Variants in SCML2 observed in about 807,000 individuals in gnomAD.
SCML2 encodes sex comb on midleg-like protein 2.
A neutral mutation model predicts 48.4 loss-of-function variants in SCML2; 6 were observed. That is an observed-to-expected ratio of 0.12 (90% CI 0.07 to 0.24). The LOEUF (loss-of-function observed/expected upper bound fraction) is 0.24, where lower values mean the gene tolerates loss of function less well. SCML2 is among the 10% of genes least tolerant of loss of function. The probability of loss-of-function intolerance (pLI) is 1.00; values close to 1 mark genes in which losing one functional copy is unlikely to be tolerated. For missense variants in SCML2, 377 were observed against 528.2 expected, an observed-to-expected ratio of 0.71 and a Z score of 2.81; for synonymous variants, 181 against 189.5, an observed-to-expected ratio of 0.95 and a Z score of 0.37.
chrX:18,307,286 CAA>C (rs1192460033), intron 6 of SCML2, among the ~76,000 whole-genome samples: 1 of 96,114 alleles, frequency 1.0e-5, no homozygotes, highest in African/African-American at 3.8e-5. Context: ...GACTCTGCCT[CAA>C]AAAAAAAAAA....
At position 18,240,092 on chromosome X, in the gene SCML2, C is replaced by T. The variant is rs1926211151; in HGVS notation, c.*1159G>A. 2 of 112,557 alleles carry T rather than the reference C, an allele frequency of 1.8e-5. No homozygotes were observed. Among genetic ancestry groups the T allele is most frequent in the South Asian group, 7.3e-4 (2 of 2,722 alleles). The allele number at this position is 112,557 out of a possible 1,213,427, so 9.3% of individuals were successfully genotyped here. ...CTAAGCAAATTAATTAGAAACATTG[C>T]ATAGGACAGAGAACTTCCCTGTATG... is the stretch of plus-strand genomic sequence containing the variant. On this transcript the variant is annotated 3_prime_UTR_variant, in exon 15 of 15. Transcript: ENST00000251900.
chrX:18,343,360 AAGAG>A (rs778233152), intron 1 of SCML2, among the ~76,000 whole-genome samples: 4 of 109,083 alleles, frequency 3.7e-5, no homozygotes, highest in Admixed American at 9.9e-5. Flanking sequence ...GGAAAAAAAA[AAGAG>A]AGAGAGAGAG....
chrX:18,280,959 T>C (rs1035709868), intron 7 of SCML2, among the ~76,000 whole-genome samples: 2 of 64,182 alleles, frequency 3.1e-5, no homozygotes, highest in Non-Finnish European at 7.1e-5. Flanking sequence ...AGAAAACTAA[T>C]AAAGAAATTC....
At position 18,353,629 on chromosome X, in the gene SCML2, C is replaced by T. The variant is rs533042294; in HGVS notation, c.-25+963G>A. On this transcript the variant is annotated intron_variant, in intron 1 of 14. Transcript: ENST00000251900. ...CAAGTTGCAATCACACTTTGTGATG[C>T]TTGACAAATGTTTAACAACCTCTTT... 1.5e-4 allele frequency among the ~76,000 whole-genome samples: 17 copies of T among 112,749 alleles called. No homozygotes were observed. The South Asian group carries it at 5.9e-3, about 39-fold the overall frequency.
At chrX:18,267,440 C>T (rs1299299430) in intron 7 of SCML2, among the ~76,000 whole-genome samples, 3 of 111,415 alleles carry the variant, frequency 2.7e-5, no homozygotes, top group Non-Finnish European at 5.6e-5. Flanking sequence ...AATGTCAGTC[C>T]CCATCTCTGA....
chrX:18,319,754 T>C (rs1929256609), intron 6 of SCML2, among the ~76,000 whole-genome samples: 1 of 111,587 alleles, frequency 9.0e-6, no homozygotes, highest in South Asian at 3.8e-4. Flanking sequence ...ACCCCCAACA[T>C]ATATGTATTT....
intron 7 of SCML2, among the ~76,000 whole-genome samples, chrX:18,294,039 G>A (rs1928312934): frequency 1.8e-5 from 2 of 112,004 alleles, no homozygotes; most frequent in Admixed American, 1.9e-4. Context: ...CAGATGAAAG[G>A]TCTGAGATGT....
chrX:18,340,185 G>GGGA (rs1200368359), intron 1 of SCML2, among the ~76,000 whole-genome samples: 8 of 111,282 alleles, frequency 7.2e-5, no homozygotes, highest in African/African-American at 2.6e-4. Flanking sequence ...GAGGCAAGGT[G>GGGA]GGAGGATTGC....
intron 1 of SCML2, among the ~76,000 whole-genome samples, chrX:18,340,979 AT>A (rs1292099012): frequency 9.0e-6 from 1 of 111,239 alleles, no homozygotes; most frequent in East Asian, 2.8e-4. Context: ...TTCCTATATA[AT>A]TTTTGTATCT....
At chrX:18,280,524 G>C (rs1029640807) in intron 7 of SCML2, among the ~76,000 whole-genome samples, 1 of 111,511 alleles carries the variant, frequency 9.0e-6, no homozygotes, top group East Asian at 2.8e-4. Flanking sequence ...TACTAACCTT[G>C]AATGTAAATG....
chrX:18,350,749 AG>A (rs1930348856), intron 1 of SCML2, among the ~76,000 whole-genome samples: 1 of 111,436 alleles, frequency 9.0e-6, no homozygotes, highest in Non-Finnish European at 1.9e-5. Context: ...TATCAAAAAA[AG>A]AACTACCACA....
At chrX:18,272,881 C>T (rs1171552014) in intron 7 of SCML2, among the ~76,000 whole-genome samples, 1 of 111,934 alleles carries the variant, frequency 8.9e-6, no homozygotes, top group Non-Finnish European at 1.9e-5. Context: ...TCTCTATTTC[C>T]TTTTAAGACT....
At chrX:18,315,101 CAAAAAAAAA>C (rs761378739) in intron 6 of SCML2, among the ~76,000 whole-genome samples, 2 of 23,446 alleles carry the variant, frequency 8.5e-5, no homozygotes, top group Non-Finnish European at 1.7e-4. Context: ...TCTGTCTCAC[CAAAAAAAAA>C]AAAAAAAAAA....
chrX:18,337,257 G>A (rs760649312), intron 1 of SCML2, among the ~76,000 whole-genome samples: 3 of 85,104 alleles, frequency 3.5e-5, no homozygotes, highest in South Asian at 7.3e-4. Flanking sequence ...AGCCAAGAAC[G>A]CGCCACTCAC....
intron 1 of SCML2, among the ~76,000 whole-genome samples, chrX:18,351,951 A>T (rs986288177): frequency 2.7e-5 from 3 of 111,599 alleles, no homozygotes; most frequent in African/African-American, 9.8e-5. Context: ...TACCATCATT[A>T]ATTATTTCTC....
intron 7 of SCML2, among the ~76,000 whole-genome samples, chrX:18,276,169 C>A (rs1339432971): frequency 5.4e-5 from 6 of 111,160 alleles, no homozygotes; most frequent in Non-Finnish European, 1.1e-4. Context: ...GTGGTGCACA[C>A]CTGTAGTTCC....
intron 7 of SCML2, among the ~76,000 whole-genome samples, chrX:18,282,715 GAAAC>G (rs1424624798): frequency 1.8e-5 from 2 of 111,298 alleles, no homozygotes; most frequent in South Asian, 3.8e-4. Flanking sequence ...TAAATTCCTG[GAAAC>G]AAACAATCTC....
chrX:18,322,763 G>A (rs763305457), intron 5 of SCML2, among the ~76,000 whole-genome samples: 5 of 110,137 alleles, frequency 4.5e-5, no homozygotes, highest in South Asian at 3.9e-4. Context: ...GCGTGGTGGC[G>A]GGCACCTGTA....
At chrX:18,278,661 T>C (rs1319825414) in intron 7 of SCML2, among the ~76,000 whole-genome samples, 1 of 112,245 alleles carries the variant, frequency 8.9e-6, no homozygotes, top group African/African-American at 3.2e-5. Flanking sequence ...CCAGGCCCAA[T>C]GCCTAGCTAC....
Sources: allele counts gnomAD v4.1 joint callset (sites outside exome capture counted in the v4.1 genomes callset), GRCh38; gene constraint gnomAD v4.1.1; transcripts MANE v1.5; gene names NCBI Gene and HGNC (gene_info 2026-07-23, HGNC 2026-07-21).